The following C8orf34 variants were observed in gnomAD, a reference collection of about 807,000 sequenced individuals.
The protein encoded by C8orf34 is uncharacterized protein C8orf34.
A neutral mutation model predicts 68.3 loss-of-function variants in C8orf34; 65 were observed. The ratio of observed to expected loss-of-function variants is 0.95; its 90% CI spans 0.78 to 1.17. C8orf34 has a LOEUF of 1.17. Ranked by LOEUF, C8orf34 falls within the 50% of genes most tolerant of loss-of-function variation. The pLI is 0.00. For missense variants in C8orf34, 664 were observed against 655.4 expected (o/e 1.01, Z -0.14); for synonymous variants, 244 against 241.2 (o/e 1.01, Z -0.11).
chr8:68,557,380 A>G (rs1226390799), intron 7 of C8orf34, among the ~76,000 whole-genome samples: 3 of 152,206 alleles, frequency 2.0e-5, no homozygotes, highest in African/African-American at 7.2e-5. Context: ...CCAAAAGCTT[A>G]ACAAAACTGT....
chr8:68,617,283 A>G (rs954092997), intron 7 of C8orf34, among the ~76,000 whole-genome samples: 6 of 152,206 alleles, frequency 3.9e-5, no homozygotes, highest in Admixed American at 1.3e-4. Flanking sequence ...TAGTCCATTT[A>G]CATTTAAAGT....
intron 1 of C8orf34, among the ~76,000 whole-genome samples, chr8:68,374,796 A>T (rs1384601196): frequency 1.3e-5 from 2 of 152,228 alleles, no homozygotes; most frequent in Non-Finnish European, 2.9e-5. Flanking sequence ...GGAATATGCA[A>T]TTAAAAATTA....
At chr8:68,468,594 A>T in intron 3 of C8orf34, 98 bp from the exon 4 acceptor site, 1 of 1,203,088 alleles carries the variant, frequency 8.3e-7, no homozygotes, top group Non-Finnish European at 1.1e-6. Context: ...TTTTTATTCT[A>T]TACATTGATC....
At chr8:68,650,693 A>T (rs1447826187) in intron 8 of C8orf34, among the ~76,000 whole-genome samples, 3 of 151,754 alleles carry the variant, frequency 2.0e-5, no homozygotes, top group African/African-American at 7.3e-5. Context: ...TTTAGCCGGG[A>T]TGGTCTCGAT....
intron 4 of C8orf34, among the ~76,000 whole-genome samples, chr8:68,486,503 T>C (rs371004486): frequency 9.2e-5 from 14 of 152,196 alleles, no homozygotes; most frequent in African/African-American, 3.1e-4. Flanking sequence ...AAGAATTTTA[T>C]AAAATATTGA....
chr8:68,632,602 T>G (rs981041091), intron 7 of C8orf34, among the ~76,000 whole-genome samples: 1 of 152,050 alleles, frequency 6.6e-6, no homozygotes, highest in African/African-American at 2.4e-5. Context: ...ATGTCAGAGA[T>G]CTTCACAGCA....
chr8:68,660,356 C>A (rs188149281), intron 8 of C8orf34, among the ~76,000 whole-genome samples: 1 of 152,244 alleles, frequency 6.6e-6, no homozygotes, highest in East Asian at 1.9e-4. Context: ...TTATTTTATT[C>A]TTATATCCCT....
intron 7 of C8orf34, among the ~76,000 whole-genome samples, chr8:68,574,308 C>G (rs73270304): frequency 0.012 from 1,750 of 151,990 alleles, 33 homozygotes; most frequent in African/African-American, 0.039. Flanking sequence ...GAGATTTTAC[C>G]TTAGCTTATT....
intron 10 of C8orf34, among the ~76,000 whole-genome samples, chr8:68,739,944 A>T (rs149492061): frequency 0.01 from 1,577 of 152,240 alleles, 29 homozygotes; most frequent in African/African-American, 0.036. Flanking sequence ...CCCAGAAATA[A>T]AGCTGCACAC....
chr8:68,818,004 G>A (rs1824870590), intron 13 of C8orf34, among the ~76,000 whole-genome samples: 1 of 152,078 alleles, frequency 6.6e-6, no homozygotes, highest in Non-Finnish European at 1.5e-5. Flanking sequence ...ATTCGGGTGA[G>A]GACACAAAGC....
At chr8:68,480,995 C>T (rs1477374088) in intron 4 of C8orf34, among the ~76,000 whole-genome samples, 3 of 152,168 alleles carry the variant, frequency 2.0e-5, no homozygotes, top group Admixed American at 2.0e-4. Flanking sequence ...ATCCCCAAGA[C>T]CATGGGCAAA....
intron 7 of C8orf34, among the ~76,000 whole-genome samples, chr8:68,610,914 G>A (rs2130560542): frequency 6.8e-6 from 1 of 146,376 alleles, no homozygotes; most frequent in South Asian, 2.1e-4. Context: ...GCCCAGGCTG[G>A]AGTGCAATGG....
chr8:68,641,440 T>C (rs1409387658), intron 8 of C8orf34, among the ~76,000 whole-genome samples: 1 of 152,174 alleles, frequency 6.6e-6, no homozygotes, highest in Non-Finnish European at 1.5e-5. Flanking sequence ...CTAAGAGAAA[T>C]GGCATGGCAT....
chr8:68,399,293 C>T (rs1808849665), intron 1 of C8orf34, among the ~76,000 whole-genome samples: 2 of 152,096 alleles, frequency 1.3e-5, no homozygotes, highest in South Asian at 4.1e-4. Context: ...ATTAATTTCT[C>T]ATCATCAACC....
At chr8:68,439,832 T>A (rs1810824845) in intron 2 of C8orf34, among the ~76,000 whole-genome samples, 186 bp downstream of exon 2, 1 of 152,224 alleles carries the variant, frequency 6.6e-6, no homozygotes, top group Non-Finnish European at 1.5e-5. Context: ...TCGTAATGTA[T>A]TATGTCTCAA....
intron 1 of C8orf34, among the ~76,000 whole-genome samples, chr8:68,343,406 A>T (rs1806152789): frequency 6.6e-6 from 1 of 151,964 alleles, no homozygotes; most frequent in East Asian, 1.9e-4. Flanking sequence ...TTGACAAATT[A>T]TTCTATTTTA....
intron 10 of C8orf34, among the ~76,000 whole-genome samples, chr8:68,740,933 C>A (rs1270041002): frequency 6.6e-6 from 1 of 152,172 alleles, no homozygotes; most frequent in East Asian, 1.9e-4. Flanking sequence ...TTTGTGCAAA[C>A]ATGGATGGAG....
At chr8:68,729,184 A>G (rs1821914512) in intron 10 of C8orf34, among the ~76,000 whole-genome samples, 1 of 152,204 alleles carries the variant, frequency 6.6e-6, no homozygotes, top group South Asian at 2.1e-4. Context: ...GAATTAGATA[A>G]TTACTTTTTG....
intron 1 of C8orf34, among the ~76,000 whole-genome samples, chr8:68,409,267 T>A (rs992245771): frequency 2.0e-5 from 3 of 152,184 alleles, no homozygotes; most frequent in Non-Finnish European, 2.9e-5. Context: ...GGCAGGTCCT[T>A]CAGGAGGTAT....
Sources: gnomAD v4.1 joint callset for allele counts (sites outside exome capture counted in the v4.1 genomes callset) on GRCh38, gnomAD v4.1.1 for gene constraint, MANE v1.5 for transcripts, NCBI Gene and HGNC (gene_info 2026-07-23, HGNC 2026-07-21) for gene names.